GPC6: variants seen among roughly 807,000 people sequenced by gnomAD.
GPC6 encodes glypican-6.
In GPC6, 14 loss-of-function variants were observed where a neutral mutation model predicts 55.2. The ratio of observed to expected loss-of-function variants is 0.25; its 90% CI spans 0.17 to 0.40. The LOEUF (loss-of-function observed/expected upper bound fraction) is 0.40, where lower values mean the gene tolerates loss of function less well. Ranked by LOEUF, GPC6 falls within the 10% of genes least tolerant of loss-of-function variation. The probability of loss-of-function intolerance (pLI) is 1.00; values close to 1 mark genes in which losing one functional copy is unlikely to be tolerated. For synonymous variants in GPC6, 278 were observed against 259.6 expected, an observed-to-expected ratio of 1.07 and a Z score of -0.68; for missense variants, 641 against 708.5, an observed-to-expected ratio of 0.90 and a Z score of 1.08.
chr13:93,348,942 C>T (rs557995542), intron 1 of GPC6, among the ~76,000 whole-genome samples: 6 of 152,064 alleles, frequency 3.9e-5, no homozygotes, highest in Non-Finnish European at 7.4e-5. Flanking sequence ...ACTAATGTTA[C>T]CATTTTGTGT....
intron 3 of GPC6, among the ~76,000 whole-genome samples, chr13:94,024,302 A>G (rs535502271): frequency 2.0e-5 from 3 of 152,270 alleles, no homozygotes; most frequent in Admixed American, 2.0e-4. Context: ...TTTTTAAACT[A>G]TTTTTGAGCT....
At chr13:93,609,813 C>T (rs1878391121) in intron 2 of GPC6, among the ~76,000 whole-genome samples, 1 of 152,156 alleles carries the variant, frequency 6.6e-6, no homozygotes, top group Non-Finnish European at 1.5e-5. Flanking sequence ...TAGACCCATC[C>T]CTCCCTTGGC....
At chr13:93,867,953 C>T (rs907946767) in intron 3 of GPC6, among the ~76,000 whole-genome samples, 11 of 151,798 alleles carry the variant, frequency 7.2e-5, no homozygotes, top group African/African-American at 1.2e-4. Flanking sequence ...TACACAGAGA[C>T]GAGGTAACAT....
chr13:94,271,965 T>C (rs148491323), intron 4 of GPC6, among the ~76,000 whole-genome samples: 15 of 152,316 alleles, frequency 9.8e-5, no homozygotes, highest in Middle Eastern at 3.4e-3. Context: ...TTTAAAACAA[T>C]CCACCTTTTT....
chr13:93,695,358 A>G (rs916975693), intron 2 of GPC6, among the ~76,000 whole-genome samples: 1 of 152,048 alleles, frequency 6.6e-6, no homozygotes, highest in African/African-American at 2.4e-5. Context: ...TTAACATTCA[A>G]TAAAAAGCAC....
intron 3 of GPC6, among the ~76,000 whole-genome samples, chr13:94,026,440 A>C (rs1409653672): frequency 1.3e-5 from 2 of 151,872 alleles, no homozygotes; most frequent in Non-Finnish European, 2.9e-5. Context: ...CCACTCTCCA[A>C]GAGGGCCAAA....
At chr13:94,373,883 A>C (rs1245896687) in intron 6 of GPC6, among the ~76,000 whole-genome samples, 1 of 152,160 alleles carries the variant, frequency 6.6e-6, no homozygotes, top group Non-Finnish European at 1.5e-5. Flanking sequence ...AAACCCTACA[A>C]GCCAGAAGAG....
chr13:94,377,301 C>A, intron 6 of GPC6, among the ~76,000 whole-genome samples: 1 of 122,374 alleles, frequency 8.2e-6, no homozygotes, highest in Non-Finnish European at 1.7e-5. Context: ...ACTCATCTGA[C>A]AAAGGGCTAA....
chr13:93,446,619 C>A (rs565179341), intron 1 of GPC6, among the ~76,000 whole-genome samples: 3 of 152,256 alleles, frequency 2.0e-5, no homozygotes, highest in Admixed American at 6.5e-5. Context: ...TTTCTTGATT[C>A]TCCTCAGTTA....
At chr13:93,782,340 C>T (rs1885677577) in intron 2 of GPC6, among the ~76,000 whole-genome samples, 1 of 152,178 alleles carries the variant, frequency 6.6e-6, no homozygotes, top group African/African-American at 2.4e-5. Context: ...CGTTACTAGA[C>T]ACTTAAGTTG....
chr13:93,279,400 T>C (rs1877871440), intron 1 of GPC6, among the ~76,000 whole-genome samples: 1 of 152,240 alleles, frequency 6.6e-6, no homozygotes, highest in Admixed American at 6.5e-5. Flanking sequence ...GGAAACGCTA[T>C]ACAATAATCA....
chr13:93,333,559 G>A (rs988321702), intron 1 of GPC6, among the ~76,000 whole-genome samples: 4 of 146,322 alleles, frequency 2.7e-5, no homozygotes, highest in African/African-American at 1.0e-4. Flanking sequence ...TTGAGACAGG[G>A]TTTTACTCTC....
chr13:94,104,720 C>T (rs1007283551), intron 4 of GPC6, among the ~76,000 whole-genome samples: 2 of 152,024 alleles, frequency 1.3e-5, no homozygotes, highest in African/African-American at 4.8e-5. Flanking sequence ...TTCACAATTG[C>T]TTCAAAGAGA....
chr13:93,893,241 T>C (rs1875795051), intron 3 of GPC6, among the ~76,000 whole-genome samples: 1 of 151,946 alleles, frequency 6.6e-6, no homozygotes, highest in Non-Finnish European at 1.5e-5. Flanking sequence ...TGTATTTTAG[T>C]AGAGACAGTG....
intron 6 of GPC6, among the ~76,000 whole-genome samples, chr13:94,324,644 A>G (rs555650169): frequency 2.0e-5 from 3 of 152,196 alleles, no homozygotes; most frequent in South Asian, 4.1e-4. Context: ...CGGCACAAAG[A>G]TAGCAGATAA....
At chr13:93,521,676 T>C (rs1020816073) in intron 1 of GPC6, among the ~76,000 whole-genome samples, 4 of 151,962 alleles carry the variant, frequency 2.6e-5, no homozygotes, top group Non-Finnish European at 2.9e-5. Flanking sequence ...ACTAAGATAA[T>C]ATACTGTAAC....
At chr13:93,922,851 A>G (rs1304703832) in intron 3 of GPC6, among the ~76,000 whole-genome samples, 2 of 152,226 alleles carry the variant, frequency 1.3e-5, no homozygotes, top group African/African-American at 4.8e-5. Context: ...TATTATGCAT[A>G]ATTCTGTAAC....
chr13:93,267,085 T>C (rs903136573), intron 1 of GPC6, among the ~76,000 whole-genome samples: 2 of 152,334 alleles, frequency 1.3e-5, no homozygotes, highest in African/African-American at 2.4e-5. Context: ...AGTTCACTAA[T>C]AGCAAAAGCC....
At chr13:93,658,618 T>C (rs908488364) in intron 2 of GPC6, among the ~76,000 whole-genome samples, 7 of 151,768 alleles carry the variant, frequency 4.6e-5, no homozygotes, top group East Asian at 1.9e-4. Context: ...ATAGTTTACA[T>C]TGATTGATTT....
Sources: gnomAD v4.1 joint callset for allele counts (sites outside exome capture counted in the v4.1 genomes callset) on GRCh38, gnomAD v4.1.1 for gene constraint, MANE v1.5 for transcripts, NCBI Gene and HGNC (gene_info 2026-07-23, HGNC 2026-07-21) for gene names.